MAD1L1: variants seen among roughly 807,000 people sequenced by gnomAD.
MAD1L1 encodes the protein mitotic spindle assembly checkpoint protein MAD1.
MAD1L1 carries 95 observed loss-of-function variants against 96.9 expected under a neutral mutation model. The ratio of observed to expected loss-of-function variants is 0.98; its 90% confidence interval spans 0.83 to 1.16. MAD1L1 has a LOEUF of 1.16. Ranked by LOEUF, MAD1L1 falls within the 50% of genes most tolerant of loss-of-function variation. MAD1L1 has a pLI of 0.00. For missense variants in MAD1L1, 1,007 were observed against 954.4 expected (o/e 1.06, Z -0.73); for synonymous variants, 473 against 396.6 (o/e 1.19, Z -2.29).
rs114090177 is a variant in MAD1L1, at chr7:2,146,074, A to G, written c.1073+3078T>C. 4.5e-3 allele frequency among the ~76,000 whole-genome samples: 680 copies of G among 152,302 alleles called. 5 individuals carry two copies. Among genetic ancestry groups the G allele is most frequent in the African/African-American group, 0.016 (646 of 41,552 alleles). ...CGTGGTGTAGGCTGCTCACAGCGGC[A>G]CACTACGCCGGCTGATAGGCAACAT... On this transcript the variant is annotated intron_variant, in intron 11 of 18. Transcript: ENST00000265854. This position sits in a 1 kb window ranked among gnomAD's most constrained non-coding sequence, Gnocchi z 6.2.
At position 2,048,341 on chromosome 7, in the gene MAD1L1, C is replaced by T. The variant is rs546752291; in HGVS notation, c.1218+20853G>A. 1.2e-4 allele frequency among the ~76,000 whole-genome samples: 18 copies of T among 152,326 alleles called. No homozygotes were observed. The South Asian group carries it at 1.9e-3, about 16-fold the overall frequency. ...AGGCAAGTTCCTTCATCTCATCCAA[C>T]GACAAATTCCTGTTGCACAAACACG... On this transcript the variant is annotated intron_variant, in intron 12 of 18. Transcript: ENST00000265854.
chr7:1,998,423 T>A (rs900252563), intron 14 of MAD1L1, among the ~76,000 whole-genome samples: 7 of 152,222 alleles, frequency 4.6e-5, no homozygotes, highest in Non-Finnish European at 8.8e-5. Flanking sequence ...TGCCGAGGGC[T>A]TGGCCTGTGC....
At chr7:2,144,521 C>T (rs1318086987) in intron 11 of MAD1L1, among the ~76,000 whole-genome samples, 3 of 152,272 alleles carry the variant, frequency 2.0e-5, no homozygotes, top group Non-Finnish European at 4.4e-5. Context: ...CCTCAGAGCA[C>T]GCTGGCCTAT....
intron 17 of MAD1L1, among the ~76,000 whole-genome samples, chr7:1,930,883 C>A (rs1013261576): frequency 6.6e-6 from 1 of 152,180 alleles, no homozygotes; most frequent in East Asian, 1.9e-4. Flanking sequence ...GGAGACCCAC[C>A]CCTAACCCAT....
At chr7:1,865,773 C>A (rs116614093) in intron 18 of MAD1L1, among the ~76,000 whole-genome samples, 3 of 152,222 alleles carry the variant, frequency 2.0e-5, no homozygotes, top group African/African-American at 7.2e-5. Flanking sequence ...ACCCAGAGAG[C>A]GGCTGCTACG....
At chr7:1,896,930 T>C (rs1786912058) in intron 18 of MAD1L1, among the ~76,000 whole-genome samples, 1 of 152,274 alleles carries the variant, frequency 6.6e-6, no homozygotes, top group Non-Finnish European at 1.5e-5. Context: ...CTGTGAATTA[T>C]TCAAAGTATA....
At chr7:2,165,339 G>C (rs1369747180) in intron 10 of MAD1L1, among the ~76,000 whole-genome samples, 1 of 152,242 alleles carries the variant, frequency 6.6e-6, no homozygotes, top group Non-Finnish European at 1.5e-5. Flanking sequence ...ACTGATAGAA[G>C]TGTGTTATCT....
chr7:2,115,590 G>A (rs1395372170), intron 11 of MAD1L1, among the ~76,000 whole-genome samples: 18 of 150,152 alleles, frequency 1.2e-4, no homozygotes, highest in East Asian at 2.0e-4. Flanking sequence ...CAGAGGAGGC[G>A]CTGGACAGGG....
chr7:1,998,351 T>G (rs1284880960), intron 14 of MAD1L1, among the ~76,000 whole-genome samples: 2 of 152,236 alleles, frequency 1.3e-5, no homozygotes, highest in African/African-American at 4.8e-5. Context: ...GTGCCTCTGT[T>G]GGACATGGGG....
At chr7:1,862,904 G>T (rs997201951) in intron 18 of MAD1L1, among the ~76,000 whole-genome samples, 1 of 152,236 alleles carries the variant, frequency 6.6e-6, no homozygotes, top group Non-Finnish European at 1.5e-5. Flanking sequence ...CCGTAGAAAG[G>T]GGCCCGCAGG....
In MAD1L1 at chr7:1,948,475, G is replaced by A. The variant is rs531781473; in HGVS notation, c.1596+9154C>T. ...GCACGTCTGCCAAACCAGTGGAGCC[G>A]GGACACTGGCACCCAGGAGACGGCG... is the stretch of plus-strand genomic sequence containing the variant. On this transcript the variant is annotated intron_variant, in intron 16 of 18. Transcript: ENST00000265854. 3.3e-5 allele frequency among the ~76,000 whole-genome samples: 5 copies of A among 152,342 alleles called. No individual in the cohort carries two copies. In the South Asian group the frequency reaches 6.2e-4, roughly 19 times the overall value.
At chr7:1,827,439 T>C in intron 18 of MAD1L1, among the ~76,000 whole-genome samples, 1 of 137,254 alleles carries the variant, frequency 7.3e-6, no homozygotes, top group Non-Finnish European at 1.6e-5. Context: ...CCGTCGCGGG[T>C]GTGGGGTCCT....
chr7:2,051,294 C>G (rs1462348755), intron 12 of MAD1L1, among the ~76,000 whole-genome samples: 1 of 152,222 alleles, frequency 6.6e-6, no homozygotes, highest in Non-Finnish European at 1.5e-5. Flanking sequence ...GCCTCGGTCT[C>G]TCTGGTATAA....
At chr7:2,014,141 G>A (rs762311495) in intron 13 of MAD1L1, among the ~76,000 whole-genome samples, 2 of 152,190 alleles carry the variant, frequency 1.3e-5, no homozygotes, top group Non-Finnish European at 2.9e-5. Flanking sequence ...CTGAGCACCC[G>A]GAGACCAGGT....
chr7:2,153,281 T>TAAGGGA (rs1789669584), intron 10 of MAD1L1, among the ~76,000 whole-genome samples: 6 of 152,092 alleles, frequency 3.9e-5, no homozygotes, highest in Non-Finnish European at 8.8e-5. Flanking sequence ...ATCTGTCAAC[T>TAAGGGA]CTTCGGCCAA....
chr7:1,859,598 T>C (rs986811338), intron 18 of MAD1L1, among the ~76,000 whole-genome samples: 13 of 152,154 alleles, frequency 8.5e-5, no homozygotes, highest in Non-Finnish European at 1.8e-4. Flanking sequence ...ATGGGGACCT[T>C]GCCAGCAAGG....
intron 11 of MAD1L1, among the ~76,000 whole-genome samples, chr7:2,131,141 G>C (rs1303743464): frequency 6.6e-6 from 1 of 152,196 alleles, no homozygotes; most frequent in Non-Finnish European, 1.5e-5. Context: ...GCTCCTTCAA[G>C]AGATGGATGA....
At chr7:2,179,215 A>T (rs1388681394) in intron 10 of MAD1L1, among the ~76,000 whole-genome samples, 1 of 152,076 alleles carries the variant, frequency 6.6e-6, no homozygotes, top group Non-Finnish European at 1.5e-5. Context: ...CCCCCACACC[A>T]CAACTCCATG....
At chr7:1,973,566 C>CTAGAGCGGG (rs1384779940) in intron 15 of MAD1L1, among the ~76,000 whole-genome samples, 4 of 152,132 alleles carry the variant, frequency 2.6e-5, no homozygotes, top group African/African-American at 7.2e-5. Flanking sequence ...AGCTCAGCCC[C>CTAGAGCGGG]TAGAGCGGGA....
Sources: gnomAD v4.1 joint callset for allele counts (sites outside exome capture counted in the v4.1 genomes callset) on GRCh38, gnomAD v4.1.1 for gene constraint, Gnocchi (gnomAD v3.1) non-coding constraint, MANE v1.5 for transcripts, NCBI Gene and HGNC (gene_info 2026-07-23, HGNC 2026-07-21) for gene names.